The following LRP1B variants were observed in gnomAD, a reference collection of about 807,000 sequenced individuals.
LRP1B encodes low-density lipoprotein receptor-related protein 1B.
LRP1B carries 217 observed loss-of-function variants against 556.6 expected under a neutral mutation model. That is an observed-to-expected ratio of 0.39 (90% confidence interval 0.35 to 0.44). The LOEUF (loss-of-function observed/expected upper bound fraction) is 0.44, where lower values mean the gene tolerates loss of function less well. Ranked by LOEUF, LRP1B falls within the 20% of genes least tolerant of loss-of-function variation. The pLI, the probability that LRP1B is intolerant of heterozygous loss-of-function variation, is 1.00. For missense variants in LRP1B, 5,053 were observed against 5,620.8 expected (o/e 0.90, Z 3.23); for synonymous variants, 2,047 against 1,865.8 (o/e 1.10, Z -2.50).
intron 2 of LRP1B, among the ~76,000 whole-genome samples, chr2:141,794,179 A>G (rs994394640): frequency 4.6e-5 from 7 of 151,872 alleles, no homozygotes; most frequent in Non-Finnish European, 8.8e-5. Flanking sequence ...CTCATGAATG[A>G]ATGGGTTTTG....
rs555732418 is a variant in LRP1B at position 140,377,078 on chromosome 2, C to A, written c.10638+1102G>T. On this transcript the variant is annotated intron_variant, in intron 68 of 90. Coordinates refer to ENST00000389484, the MANE Select transcript of LRP1B (RefSeq NM_018557.3). The stretch of plus-strand genomic sequence containing the variant: ...CATGGTATACACTGAGGAACAGGAT[C>A]TTTTTTTGTTGTTGTTGAGGTGGAG... 5.3e-5 allele frequency among the ~76,000 whole-genome samples: 8 copies of A among 152,068 alleles called. No homozygotes were observed. In the South Asian group the frequency reaches 1.7e-3, roughly 32 times the overall value.
intron 3 of LRP1B, among the ~76,000 whole-genome samples, chr2:141,306,359 G>T (rs1686588921): frequency 6.6e-6 from 1 of 151,812 alleles, no homozygotes; most frequent in African/African-American, 2.4e-5. Flanking sequence ...TTTAATCTTG[G>T]TAGATTGATA....
intron 41 of LRP1B, among the ~76,000 whole-genome samples, chr2:140,635,711 T>A (rs1020429997): frequency 6.6e-6 from 1 of 152,042 alleles, no homozygotes; most frequent in African/African-American, 2.4e-5. Context: ...CAAGAACTTT[T>A]GTTGGGCTAC....
rs934226183 is a variant in LRP1B, at chr2:141,977,955, C to T, written c.82+152693G>A. Among the ~76,000 whole-genome samples the T allele has an allele frequency of 1.3e-5, 2 of 151,978 alleles. 1 individual carries two copies. Among genetic ancestry groups the T allele is most frequent in the South Asian group, 4.2e-4 (2 of 4,818 alleles). On this transcript the variant is annotated intron_variant, in intron 1 of 90. Coordinates refer to ENST00000389484, the MANE Select transcript of LRP1B (RefSeq NM_018557.3). ...CTATATTATGTAAGAGAACTACTTA[C>T]GAAGTATGACTTTTCCATATTGTAA...
intron 2 of LRP1B, among the ~76,000 whole-genome samples, chr2:141,788,732 C>A (rs1187511219): frequency 7.0e-6 from 1 of 142,388 alleles, no homozygotes; most frequent in Non-Finnish European, 1.5e-5. Context: ...TGTTCCCCTT[C>A]CTGTGTCCAT....
chr2:141,389,340 A>G lies in LRP1B; in HGVS notation c.343+91056T>C, dbSNP rs552144031. Among the ~76,000 whole-genome samples, 8 of 152,284 alleles carry G rather than the reference A, an allele frequency of 5.3e-5. No homozygotes were observed. The South Asian group carries it at 1.5e-3, about 28-fold the overall frequency. ...TATATCTAGGGGCACTTGATTTTGGACAAAAGGTGCTGAGACCAGTCAATG... is the reference window on the plus strand; with the variant it reads ...TATATCTAGGGGCACTTGATTTTGGGCAAAAGGTGCTGAGACCAGTCAATG... On this transcript the variant is annotated intron_variant, in intron 3 of 90. Coordinates refer to ENST00000389484, the MANE Select transcript of LRP1B (RefSeq NM_018557.3).
chr2:142,051,012 T>A (rs1178386692), intron 1 of LRP1B, among the ~76,000 whole-genome samples: 1 of 151,862 alleles, frequency 6.6e-6, no homozygotes, highest in African/African-American at 2.4e-5. Flanking sequence ...AGCAAACACA[T>A]AATGGGGGTG....
At chr2:142,002,443 T>A (rs904270505) in intron 1 of LRP1B, among the ~76,000 whole-genome samples, 1 of 151,910 alleles carries the variant, frequency 6.6e-6, no homozygotes, top group Admixed American at 6.6e-5. Context: ...ATTCATAAAA[T>A]CATTTGCAGC....
chr2:142,120,235 C>T (rs1707412849), intron 1 of LRP1B, among the ~76,000 whole-genome samples: 1 of 152,154 alleles, frequency 6.6e-6, no homozygotes, highest in Non-Finnish European at 1.5e-5. Flanking sequence ...CCTCAGCCTC[C>T]TGAGTAGCTG....
At chr2:140,669,191 A>G (rs1685394893) in intron 41 of LRP1B, among the ~76,000 whole-genome samples, 1 of 152,330 alleles carries the variant, frequency 6.6e-6, no homozygotes, top group South Asian at 2.1e-4. Flanking sequence ...GTGTTTCTTT[A>G]TTAGTAAATA....
chr2:140,886,052 C>A, intron 24 of LRP1B, 86 bp downstream of exon 24: 2 of 816,858 alleles, frequency 2.4e-6, no homozygotes, highest in South Asian at 4.0e-5. Flanking sequence ...AAAGAATAAT[C>A]AAAATTTCTT....
intron 2 of LRP1B, among the ~76,000 whole-genome samples, chr2:141,746,359 T>C (rs931434248): frequency 2.0e-5 from 3 of 152,158 alleles, no homozygotes; most frequent in Non-Finnish European, 4.4e-5. Flanking sequence ...CTAGAGCTCA[T>C]CTAAATGCTC....
Position 141,062,608 on chromosome 2 carries a change from C to T in LRP1B, c.1014-335G>A, listed in dbSNP as rs908370587. Among the ~76,000 whole-genome samples, 10 of 151,864 alleles carry T rather than the reference C, an allele frequency of 6.6e-5. 1 individual carries two copies. The highest frequency in any genetic ancestry group is 2.0e-4 in the Admixed American group (3 of 15,204). ...ATTCAGTGTAAGCTTCAGAAGTGAG[C>T]CAAGTCACCAGGCCAGGGCATGTGA... On this transcript the variant is annotated intron_variant, in intron 7 of 90. Transcript: ENST00000389484.
chr2:140,511,656 T>C (rs1296341930), intron 51 of LRP1B, among the ~76,000 whole-genome samples: 1 of 146,548 alleles, frequency 6.8e-6, no homozygotes, highest in African/African-American at 2.6e-5. Flanking sequence ...TACCTTAGCC[T>C]GGAGGAAAGG....
chr2:140,798,693 A>G (rs763314234), intron 32 of LRP1B, among the ~76,000 whole-genome samples: 1 of 152,156 alleles, frequency 6.6e-6, no homozygotes, highest in Non-Finnish European at 1.5e-5. Flanking sequence ...CATATTGTCA[A>G]CCTGCTAGAT....
intron 3 of LRP1B, among the ~76,000 whole-genome samples, chr2:141,372,174 A>T (rs1689251178): frequency 6.6e-6 from 1 of 152,050 alleles, no homozygotes; most frequent in African/African-American, 2.4e-5. Flanking sequence ...TGTTCATGTG[A>T]TGTATCAAAT....
At chr2:140,346,667 G>A (rs968270482) in intron 77 of LRP1B, among the ~76,000 whole-genome samples, 1 of 151,814 alleles carries the variant, frequency 6.6e-6, no homozygotes, top group Non-Finnish European at 1.5e-5. Flanking sequence ...ACACACACAC[G>A]CTTACTTGTA....
At chr2:141,219,866 A>G (rs903064670) in intron 6 of LRP1B, among the ~76,000 whole-genome samples, 6 of 152,168 alleles carry the variant, frequency 3.9e-5, no homozygotes, top group African/African-American at 1.4e-4. Flanking sequence ...TGATTGCCAA[A>G]AGAAAAACAA....
chr2:141,191,708 C>A (rs1681519515), intron 6 of LRP1B, among the ~76,000 whole-genome samples: 1 of 150,560 alleles, frequency 6.6e-6, no homozygotes, highest in African/African-American at 2.4e-5. Flanking sequence ...GTCCATTAAC[C>A]AGGGCTTTAA....
Sources: allele counts gnomAD v4.1 joint callset (sites outside exome capture counted in the v4.1 genomes callset), GRCh38; gene constraint gnomAD v4.1.1; transcripts MANE v1.5; gene names NCBI Gene and HGNC (gene_info 2026-07-23, HGNC 2026-07-21).